SP100: variants seen among roughly 807,000 people sequenced by gnomAD.
SP100 encodes the protein SP100 nuclear body protein.
Under a neutral mutation model 130.0 loss-of-function variants are expected in SP100, and 84 were observed. The ratio of observed to expected loss-of-function variants is 0.65; its 90% CI spans 0.54 to 0.77. The LOEUF is 0.77. Ranked by LOEUF, SP100 falls within the 30% of genes least tolerant of loss-of-function variation. The pLI is 0.00. For synonymous variants in SP100, 331 were observed against 351.7 expected (o/e 0.94, Z 0.66); for missense variants, 978 against 1,052.2 (o/e 0.93, Z 0.97).
intron 2 of SP100, among the ~76,000 whole-genome samples, chr2:230,429,693 C>A (rs1487305501): frequency 6.6e-6 from 1 of 151,758 alleles, no homozygotes; most frequent in Non-Finnish European, 1.5e-5. Context: ...TATCAAATGA[C>A]CTATCTTTGA....
Position 230,541,364 on chromosome 2 carries a change from C to T in SP100, c.2395C>T (p.Pro799Ser), listed in dbSNP as rs1692168782. The T allele has an allele frequency of 1.9e-6, 3 of 1,613,420 alleles. No homozygotes were observed. Among genetic ancestry groups the T allele is most frequent in the Non-Finnish European group, 2.5e-6 (3 of 1,179,392 alleles). ...GAAAAGCTGCTTTTTCGCCTCAGAA[C>T]CGTATTATGTAAGTAACAGCCAAAC... is the stretch of plus-strand genomic sequence containing the variant. The part of the protein sequence containing the change: ...DSKSCFFASE[P>S]YYNREGSQGP... Residue 799 changes from proline to serine, a missense_variant, in exon 27 of 29, where the codon CCG (proline) becomes TCG (serine). By Grantham distance (74) the Pro-to-Ser change is moderately conservative (BLOSUM62 -1). Transcript: ENST00000340126.
At chr2:230,524,859 A>C (rs1678197) in intron 24 of SP100, among the ~76,000 whole-genome samples, 24,795 of 152,224 alleles carry the variant, frequency 0.16, 2,438 homozygotes, top group Non-Finnish European at 0.22. Flanking sequence ...TAAGGACAAG[A>C]ATTCTAGTTA....
chr2:230,432,942 C>A (rs1354685670), intron 2 of SP100, among the ~76,000 whole-genome samples: 1 of 151,998 alleles, frequency 6.6e-6, no homozygotes, highest in Non-Finnish European at 1.5e-5. Flanking sequence ...GTGTTTTCTT[C>A]CAAAAGTCTT....
chr2:230,540,048 G>T (rs1023379095), intron 25 of SP100, among the ~76,000 whole-genome samples: 2 of 152,192 alleles, frequency 1.3e-5, no homozygotes, highest in Non-Finnish European at 2.9e-5. Context: ...TGCTCCCAGG[G>T]TGTCATCTCA....
intron 3 of SP100, 62 bp from the exon 4 acceptor site, chr2:230,444,116 C>A: frequency 2.5e-6 from 3 of 1,219,904 alleles, no homozygotes; most frequent in South Asian, 1.6e-5. Context: ...GAATTCCTTT[C>A]TAGAGCTCTT....
At chr2:230,497,494 GAGGAGAGGAGAGGAGAGGAGAGGAGAGGA>G (rs2066740305) in intron 18 of SP100, among the ~76,000 whole-genome samples, 6 of 26,288 alleles carry the variant, frequency 2.3e-4, no homozygotes, top group Non-Finnish European at 3.9e-4. Context: ...GAGGGGAGGA[GAGGAGAGGAGAGGAGAGGAGAGGAGAGGA>G]GAGGAGAGGA....
chr2:230,452,989 G>T (rs145937044), intron 8 of SP100, among the ~76,000 whole-genome samples: 8 of 152,174 alleles, frequency 5.3e-5, no homozygotes, highest in African/African-American at 1.9e-4. Context: ...TTGAATAGAA[G>T]TGAGAATGGG....
intron 24 of SP100, among the ~76,000 whole-genome samples, chr2:230,529,685 G>A (rs566399633): frequency 5.9e-5 from 9 of 152,270 alleles, no homozygotes; most frequent in Middle Eastern, 3.4e-3. Context: ...AAATCCCATC[G>A]TCTCAGCCCA....
At chr2:230,518,242 T>A (rs1691017248) in intron 24 of SP100, among the ~76,000 whole-genome samples, 1 of 152,088 alleles carries the variant, frequency 6.6e-6, no homozygotes, top group African/African-American at 2.4e-5. Context: ...TAAAACAACC[T>A]TAAATAACCC....
intron 1 of SP100, chr2:230,417,031 C>A: frequency 3.2e-6 from 1 of 314,626 alleles, no homozygotes; most frequent in South Asian, 1.2e-4. Flanking sequence ...TTTTTTAATA[C>A]AAAAGAAATA....
chr2:230,535,585 A>T (rs550164303), intron 24 of SP100, among the ~76,000 whole-genome samples: 1 of 152,260 alleles, frequency 6.6e-6, no homozygotes, highest in African/African-American at 2.4e-5. Flanking sequence ...TTATTAATTC[A>T]TGGCAATGTG....
intron 3 of SP100, 119 bp downstream of exon 3, chr2:230,443,218 G>T: frequency 1.1e-6 from 1 of 917,408 alleles, no homozygotes. Context: ...CCTATGAGTG[G>T]GGAACTTTTT....
At chr2:230,493,080 T>A (rs1008213779) in intron 17 of SP100, among the ~76,000 whole-genome samples, 2 of 152,228 alleles carry the variant, frequency 1.3e-5, no homozygotes, top group Admixed American at 6.5e-5. Flanking sequence ...AAGAGATAGG[T>A]ACTTTTGATG....
Position 230,474,407 on chromosome 2 carries a change from T to A in SP100, c.1560T>A (p.Val520=). Residue 520 remains valine, a synonymous_variant, in exon 17 of 29, where the codon GTT becomes GTA. Coordinates refer to ENST00000340126, the MANE Select transcript of SP100 (RefSeq NM_001080391.2). Reference sequence around the variant, plus strand: ...GTCACTTTCTAGATACCATGGATGTTGAAAACAATTCTACTTTGGAAAAAC... The same window carrying A: ...GTCACTTTCTAGATACCATGGATGTAGAAAACAATTCTACTTTGGAAAAAC... ...QASDMMDTMD[V]ENNSTLEKHS... is the part of the protein sequence containing the mutation. The A allele has an allele frequency of 6.5e-7, 1 of 1,538,254 alleles. No homozygotes were observed. Among genetic ancestry groups the A allele is most frequent in the Non-Finnish European group, 8.9e-7 (1 of 1,117,726 alleles).
chr2:230,514,337 A>G (rs960763617), intron 24 of SP100, among the ~76,000 whole-genome samples: 1 of 151,076 alleles, frequency 6.6e-6, no homozygotes, highest in East Asian at 1.9e-4. Flanking sequence ...ATAATCAAAA[A>G]GAGAATTTGT....
At position 230,469,099 on chromosome 2, in the gene SP100, A is replaced by C; in HGVS notation, c.1345+3A>C. 6.3e-7 allele frequency: 1 copy of C among 1,580,094 alleles called. No individual in the cohort carries two copies. The highest frequency in any genetic ancestry group is 8.7e-7 in the Non-Finnish European group (1 of 1,152,206). On this transcript the variant is annotated splice_donor_region_variant and intron_variant, in intron 14 of 28. Transcript: ENST00000340126. The stretch of plus-strand genomic sequence containing the variant: ...GAGAATACCCAGCAGGAAGAGACGT[A>C]AGAGCAATTAAAAACTCTTGATGTA...
chr2:230,456,975 T>C (rs1371149435), intron 8 of SP100, among the ~76,000 whole-genome samples: 1 of 152,200 alleles, frequency 6.6e-6, no homozygotes, highest in Non-Finnish European at 1.5e-5. Context: ...GTCTCTTTGG[T>C]TTTTATGTTT....
intron 24 of SP100, chr2:230,538,694 C>T (rs1692047347): frequency 6.5e-6 from 1 of 152,854 alleles, no homozygotes; most frequent in African/African-American, 2.4e-5. Flanking sequence ...AGCAAAAAGC[C>T]CTGTACTCCC....
chr2:230,444,249 G>C lies in SP100; in HGVS notation c.342G>C (p.Glu114Asp), dbSNP rs1251962138. 1.2e-6 allele frequency: 2 copies of C among 1,612,858 alleles called. No individual in the cohort carries two copies. The highest frequency in any genetic ancestry group is 2.2e-5 in the South Asian group (2 of 91,046). The change falls in exon 4 of 29, where the codon GAG (glutamate) becomes GAC (aspartate). Residue 114 changes from glutamate to aspartate, a missense_variant. Glu to Asp is a conservative substitution (Grantham distance 45). Coordinates refer to ENST00000340126, the MANE Select transcript of SP100 (RefSeq NM_001080391.2). ...TGTACAATGTTCTTAGTGAACTGGA[G>C]AAGACATTTAACCTGCCAGTTCTGG... is the stretch of plus-strand genomic sequence containing the variant. Reference protein sequence around the residue: ...RVVYNVLSELEKTFNLPVLEA... With the variant: ...RVVYNVLSELDKTFNLPVLEA...
Sources: allele counts gnomAD v4.1 joint callset (sites outside exome capture counted in the v4.1 genomes callset), GRCh38; gene constraint gnomAD v4.1.1; transcripts MANE v1.5; gene names NCBI Gene and HGNC (gene_info 2026-07-23, HGNC 2026-07-21).